LDLRAD4: variants seen among roughly 807,000 people sequenced by gnomAD.
LDLRAD4 encodes the protein low-density lipoprotein receptor class A domain-containing protein 4.
In LDLRAD4, 5 loss-of-function variants were observed where a neutral mutation model predicts 17.0. The observed-to-expected ratio is 0.29, with a 90% CI of 0.15 to 0.62. The LOEUF is 0.62. Ranked by LOEUF, LDLRAD4 falls within the 20% of genes least tolerant of loss-of-function variation. The probability of loss-of-function intolerance (pLI) is 0.84; values close to 1 mark genes in which losing one functional copy is unlikely to be tolerated. For missense variants in LDLRAD4, 340 were observed against 424.7 expected (o/e 0.80, Z 1.75); for synonymous variants, 168 against 171.8 (o/e 0.98, Z 0.17).
At chr18:13,389,830 T>C (rs1044881601) in intron 2 of LDLRAD4, among the ~76,000 whole-genome samples, 1 of 152,190 alleles carries the variant, frequency 6.6e-6, no homozygotes, top group Admixed American at 6.5e-5. Flanking sequence ...CTCAGAATCC[T>C]GTGGTTCTGC....
chr18:13,258,156 T>C (rs944667745), intron 1 of LDLRAD4, among the ~76,000 whole-genome samples: 15 of 152,380 alleles, frequency 9.8e-5, no homozygotes, highest in African/African-American at 3.6e-4. Flanking sequence ...TTTATTTACT[T>C]AGTATTCAGA....
intron 3 of LDLRAD4, among the ~76,000 whole-genome samples, chr18:13,620,615 G>A (rs1221227191): frequency 2.0e-5 from 3 of 152,196 alleles, no homozygotes; most frequent in Non-Finnish European, 1.5e-5. Flanking sequence ...TCTTTGGGGT[G>A]GTGGTGTCAG....
intron 1 of LDLRAD4, among the ~76,000 whole-genome samples, chr18:13,318,426 T>TA (rs1237907592): frequency 6.6e-6 from 1 of 152,110 alleles, no homozygotes; most frequent in East Asian, 1.9e-4. Flanking sequence ...CACACCCGGC[T>TA]AATTTTTGTA....
At chr18:13,285,374 A>G (rs1424835723) in intron 1 of LDLRAD4, among the ~76,000 whole-genome samples, 1 of 152,150 alleles carries the variant, frequency 6.6e-6, no homozygotes. Flanking sequence ...TGGAGGTGTC[A>G]TGAGTGGGCA....
chr18:13,327,468 C>T (rs568772821), intron 1 of LDLRAD4, among the ~76,000 whole-genome samples: 2 of 152,086 alleles, frequency 1.3e-5, no homozygotes, highest in African/African-American at 2.4e-5. Context: ...AAGAGGGGGT[C>T]ATTGTTGAAG....
At chr18:13,313,386 A>G (rs192532247) in intron 1 of LDLRAD4, among the ~76,000 whole-genome samples, 2 of 152,306 alleles carry the variant, frequency 1.3e-5, no homozygotes, top group Non-Finnish European at 2.9e-5. Context: ...CACAGAGCAC[A>G]CTAAGTTTTC....
At chr18:13,315,382 A>G (rs1223057676) in intron 1 of LDLRAD4, among the ~76,000 whole-genome samples, 6 of 152,264 alleles carry the variant, frequency 3.9e-5, no homozygotes, top group Non-Finnish European at 7.3e-5. Context: ...GTAAAAGCCA[A>G]CAATGGAAAC....
At chr18:13,342,018 G>C (rs1327577547) in intron 1 of LDLRAD4, among the ~76,000 whole-genome samples, 1 of 152,006 alleles carries the variant, frequency 6.6e-6, no homozygotes, top group African/African-American at 2.4e-5. Context: ...TCTTCATTCT[G>C]TTAATGTAAT....
chr18:13,266,929 T>A (rs920613582), intron 1 of LDLRAD4, among the ~76,000 whole-genome samples: 3 of 152,262 alleles, frequency 2.0e-5, no homozygotes, highest in African/African-American at 7.2e-5. Context: ...GAAAATCTTT[T>A]ACGTCGACTG....
rs563762983 is a variant in LDLRAD4, at chr18:13,625,835, C to T, written c.336+4564C>T. Among the ~76,000 whole-genome samples, 9 of 136,574 alleles carry T rather than the reference C, an allele frequency of 6.6e-5. No individual in the cohort carries two copies. The South Asian group carries it at 2.0e-3, about 30-fold the overall frequency. The allele number at this position is 136,574 out of a possible 152,430, so 89.6% of individuals were successfully genotyped here. On this transcript the variant is annotated intron_variant, in intron 4 of 5. Coordinates refer to ENST00000359446, the Ensembl canonical transcript of LDLRAD4. ...CTCCTCCCCCCGCCAGAGCCCTCCT[C>T]CCCCCACCAGAGCCCTCCTCCCTCC...
At chr18:13,384,864 G>A (rs2085670748) in intron 1 of LDLRAD4, among the ~76,000 whole-genome samples, 1 of 152,186 alleles carries the variant, frequency 6.6e-6, no homozygotes, top group Non-Finnish European at 1.5e-5. Flanking sequence ...TGCATACCAT[G>A]TTGTCTTTAT....
intron 2 of LDLRAD4, among the ~76,000 whole-genome samples, chr18:13,431,997 G>GA (rs2090368557): frequency 6.6e-6 from 1 of 152,198 alleles, no homozygotes; most frequent in Non-Finnish European, 1.5e-5. Flanking sequence ...GCTGAGCGTG[G>GA]AGCTGGCCTG....
rs150362916 is a variant in LDLRAD4, at chr18:13,401,784, T to C, written c.40+14022T>C. ...TCTAAGCTGGACCCGCCTTGGGGACTCTGAGGCTTTTTCCTTCTGTGTGGT... is the reference window on the plus strand; with the variant it reads ...TCTAAGCTGGACCCGCCTTGGGGACCCTGAGGCTTTTTCCTTCTGTGTGGT... On this transcript the variant is annotated intron_variant, in intron 2 of 5. Transcript: ENST00000359446. 2.7e-3 allele frequency among the ~76,000 whole-genome samples: 419 copies of C among 152,364 alleles called. 1 individual carries two copies. Among genetic ancestry groups the C allele is most frequent in the Admixed American group, 5.7e-3 (87 of 15,308 alleles).
At chr18:13,494,889 G>A (rs1241155252) in intron 3 of LDLRAD4, among the ~76,000 whole-genome samples, 4 of 148,870 alleles carry the variant, frequency 2.7e-5, no homozygotes, top group Non-Finnish European at 4.5e-5. Flanking sequence ...CTTCAAGGCC[G>A]CTTTTTCCTG....
chr18:13,313,521 G>A (rs2080765652), intron 1 of LDLRAD4, among the ~76,000 whole-genome samples: 1 of 152,108 alleles, frequency 6.6e-6, no homozygotes, highest in Non-Finnish European at 1.5e-5. Context: ...GGTTTCCCGT[G>A]GTAAACAGTT....
chr18:13,239,186 CA>C lies in LDLRAD4; in HGVS notation c.-467+20216del, dbSNP rs35736846. Among the ~76,000 whole-genome samples the C allele has an allele frequency of 7.7e-3, 939 of 121,240 alleles. 3 individuals carry two copies. The highest frequency in any genetic ancestry group is 0.03 in the East Asian group (104 of 3,436). The allele number at this position is 121,240 out of a possible 152,430, so 79.5% of individuals were successfully genotyped here. A position where few individuals can be genotyped will look rare whatever the true frequency, so the allele number is the denominator to read the frequency against. ...TGGGCCACAGAGCAAGACTCTGTCTCAAAAAAAAAAAAAAAAAATTGCTGCT... is the reference window on the plus strand; with the variant it reads ...TGGGCCACAGAGCAAGACTCTGTCTCAAAAAAAAAAAAAAAAATTGCTGCT... On this transcript the variant is annotated intron_variant, in intron 1 of 5. Coordinates refer to the LDLRAD4 transcript ENST00000399848.
At chr18:13,635,931 CTGTGTGTGTG>C (rs60695092) in intron 4 of LDLRAD4, among the ~76,000 whole-genome samples, 2,078 of 147,070 alleles carry the variant, frequency 0.014, 51 homozygotes, top group African/African-American at 0.046. Flanking sequence ...GACAGCTATG[CTGTGTGTGTG>C]TGTGTGTGTG....
intron 3 of LDLRAD4, among the ~76,000 whole-genome samples, chr18:13,547,076 C>T (rs1464786316): frequency 6.6e-6 from 1 of 152,218 alleles, no homozygotes; most frequent in Non-Finnish European, 1.5e-5. Context: ...CCGATGTTGA[C>T]AAGTAGAGCT....
At chr18:13,359,541 G>A (rs1325201123) in intron 1 of LDLRAD4, among the ~76,000 whole-genome samples, 1 of 151,926 alleles carries the variant, frequency 6.6e-6, no homozygotes, top group African/African-American at 2.4e-5. Context: ...GTTCTTACCT[G>A]CTAACTCCAA....
Sources: gnomAD v4.1 joint callset for allele counts (sites outside exome capture counted in the v4.1 genomes callset) on GRCh38, gnomAD v4.1.1 for gene constraint, MANE v1.5 for transcripts, NCBI Gene and HGNC (gene_info 2026-07-23, HGNC 2026-07-21) for gene names.